Variants in KCNIP4 observed in about 807,000 individuals in gnomAD.
KCNIP4 encodes potassium voltage-gated channel interacting protein 4.
A neutral mutation model predicts 34.0 loss-of-function variants in KCNIP4; 12 were observed. The observed-to-expected ratio is 0.35, with a 90% confidence interval of 0.23 to 0.57. The LOEUF (loss-of-function observed/expected upper bound fraction) is 0.57, where lower values mean the gene tolerates loss of function less well. Among genes scored for constraint, KCNIP4 ranks in the 20% least tolerant of loss-of-function variants. The pLI, the probability that KCNIP4 is intolerant of heterozygous loss-of-function variation, is 0.83. For missense variants in KCNIP4, 238 were observed against 311.7 expected, an observed-to-expected ratio of 0.76 and a Z score of 1.78; for synonymous variants, 124 against 102.2, an observed-to-expected ratio of 1.21 and a Z score of -1.29.
chr4:21,805,979 T>G (rs755625228), intron 1 of KCNIP4, among the ~76,000 whole-genome samples: 1 of 152,218 alleles, frequency 6.6e-6, no homozygotes, highest in Non-Finnish European at 1.5e-5. Context: ...TGGAGCTGCT[T>G]TTCCTTTAGG....
chr4:21,089,043 A>G (rs1746732764), intron 1 of KCNIP4, among the ~76,000 whole-genome samples: 1 of 152,242 alleles, frequency 6.6e-6, no homozygotes, highest in South Asian at 2.1e-4. Context: ...AACTAAAAAT[A>G]TAACTCTATT....
chr4:21,114,825 A>G (rs1749553127), intron 1 of KCNIP4, among the ~76,000 whole-genome samples: 1 of 152,172 alleles, frequency 6.6e-6, no homozygotes, highest in African/African-American at 2.4e-5. Context: ...CAGAGACATG[A>G]CTTGAACCCA....
At chr4:21,248,873 A>C (rs183303365) in intron 1 of KCNIP4, among the ~76,000 whole-genome samples, 13 of 152,284 alleles carry the variant, frequency 8.5e-5, no homozygotes, top group Admixed American at 4.6e-4. Flanking sequence ...ACACCTATTA[A>C]ATGGTTGAGA....
At chr4:21,624,301 C>T (rs1317510185) in intron 1 of KCNIP4, among the ~76,000 whole-genome samples, 1 of 151,998 alleles carries the variant, frequency 6.6e-6, no homozygotes, top group Non-Finnish European at 1.5e-5. Flanking sequence ...GCATATATTC[C>T]AGAATTGTAA....
chr4:21,227,825 T>C (rs559436765), intron 1 of KCNIP4, among the ~76,000 whole-genome samples: 16 of 152,202 alleles, frequency 1.1e-4, no homozygotes, highest in Middle Eastern at 3.4e-3. Context: ...CTTTTCCACA[T>C]AGAGCTGACA....
chr4:21,711,958 G>T (rs1713762484), intron 1 of KCNIP4, among the ~76,000 whole-genome samples: 1 of 152,126 alleles, frequency 6.6e-6, no homozygotes, highest in South Asian at 2.1e-4. Context: ...TATACTCATT[G>T]CAGCATAAGT....
In KCNIP4 at chr4:21,881,389, G is replaced by A. The variant is rs140622732; in HGVS notation, c.61+67182C>T. Among the ~76,000 whole-genome samples, 352 of 152,126 alleles carry A rather than the reference G, an allele frequency of 2.3e-3. 2 individuals are homozygous for A. Among genetic ancestry groups the A allele is most frequent in the Admixed American group, 4.4e-3 (67 of 15,270 alleles). Reference sequence around the variant, plus strand: ...AAAGCTAAATGTGAAGGCAGTGAAAGAAAAATAGTACCCTAGGATAAAATA... The same window carrying A: ...AAAGCTAAATGTGAAGGCAGTGAAAAAAAAATAGTACCCTAGGATAAAATA... On this transcript the variant is annotated intron_variant, in intron 1 of 8. Transcript: ENST00000382152.
At chr4:21,521,801 T>G (rs2109958200) in intron 1 of KCNIP4, among the ~76,000 whole-genome samples, 1 of 152,258 alleles carries the variant, frequency 6.6e-6, no homozygotes, top group East Asian at 1.9e-4. Flanking sequence ...CCAGAGTAAT[T>G]TCTACCCATG....
intron 1 of KCNIP4, among the ~76,000 whole-genome samples, chr4:21,246,345 G>A (rs893683827): frequency 4.6e-5 from 7 of 152,116 alleles, no homozygotes; most frequent in South Asian, 2.1e-4. Context: ...TTGCAATCAC[G>A]CCAGTCCAGA....
intron 1 of KCNIP4, among the ~76,000 whole-genome samples, chr4:21,139,829 C>T (rs770268266): frequency 5.9e-5 from 9 of 152,196 alleles, no homozygotes; most frequent in Non-Finnish European, 1.0e-4. Context: ...TTCCGAGGGA[C>T]TCTAACCTAT....
At chr4:21,712,325 G>A (rs901978695) in intron 1 of KCNIP4, among the ~76,000 whole-genome samples, 4 of 152,158 alleles carry the variant, frequency 2.6e-5, no homozygotes, top group South Asian at 2.1e-4. Flanking sequence ...ATGAACTGGC[G>A]TTCTTGTAAG....
intron 1 of KCNIP4, among the ~76,000 whole-genome samples, chr4:21,207,954 C>T (rs192686079): frequency 6.6e-6 from 1 of 151,594 alleles, no homozygotes; most frequent in East Asian, 1.9e-4. Context: ...GCCATCCTCC[C>T]ATCTCAGCCT....
At chr4:20,860,550 G>T (rs1177819545) in intron 2 of KCNIP4, among the ~76,000 whole-genome samples, 2 of 152,086 alleles carry the variant, frequency 1.3e-5, no homozygotes, top group African/African-American at 4.8e-5. Flanking sequence ...AAATTAATTT[G>T]TCTAGACAAA....
intron 1 of KCNIP4, among the ~76,000 whole-genome samples, chr4:20,940,410 A>G (rs1285869942): frequency 6.6e-6 from 1 of 152,212 alleles, no homozygotes; most frequent in African/African-American, 2.4e-5. Context: ...GTTGCTGGAC[A>G]CAAAATAGTC....
At chr4:21,865,135 AG>A (rs1170365950) in intron 1 of KCNIP4, among the ~76,000 whole-genome samples, 4 of 152,160 alleles carry the variant, frequency 2.6e-5, no homozygotes, top group Non-Finnish European at 5.9e-5. Flanking sequence ...TTTAAAAAAA[AG>A]CTAATTGATG....
rs1560656546 is a variant in KCNIP4, at chr4:21,025,556, T to TTG, written c.62-142848_62-142847insCA. ...CTCATTGATACTGTTTTTTTTTTTT[T>TTG]TTTTTTTTTTTTTTTGAGACGGAGT... is the stretch of plus-strand genomic sequence containing the variant. On this transcript the variant is annotated intron_variant, in intron 1 of 8. Coordinates refer to ENST00000382152, the MANE Select transcript of KCNIP4 (RefSeq NM_025221.6). Among the ~76,000 whole-genome samples the TTG allele has an allele frequency of 1.8e-3, 214 of 118,842 alleles. 15 individuals are homozygous for TTG. The East Asian group carries it at 0.043, about 24-fold the overall frequency. 78.0% of individuals were successfully genotyped at this position (118,842 alleles called of 152,430 possible).
chr4:21,124,899 G>A (rs893632318), intron 1 of KCNIP4, among the ~76,000 whole-genome samples: 5 of 151,994 alleles, frequency 3.3e-5, no homozygotes, highest in African/African-American at 9.7e-5. Flanking sequence ...AAACTGTGAT[G>A]ACTGACAAAA....
At chr4:20,876,484 C>G (rs893572229) in intron 2 of KCNIP4, among the ~76,000 whole-genome samples, 3 of 152,136 alleles carry the variant, frequency 2.0e-5, no homozygotes, top group African/African-American at 7.2e-5. Context: ...AGCTAAATCC[C>G]TTAATCCTGT....
chr4:21,177,388 C>T (rs1754489356), intron 1 of KCNIP4, among the ~76,000 whole-genome samples: 1 of 152,094 alleles, frequency 6.6e-6, no homozygotes, highest in Non-Finnish European at 1.5e-5. Flanking sequence ...AGATGAGATT[C>T]ACAGAAGCAG....
Sources: gnomAD v4.1 joint callset for allele counts (sites outside exome capture counted in the v4.1 genomes callset) on GRCh38, gnomAD v4.1.1 for gene constraint, MANE v1.5 for transcripts, NCBI Gene and HGNC (gene_info 2026-07-23, HGNC 2026-07-21) for gene names.